The following CADPS variants were observed in gnomAD, a reference collection of about 807,000 sequenced individuals.
The protein encoded by CADPS is calcium-dependent secretion activator 1.
In CADPS, 57 loss-of-function variants were observed where a neutral mutation model predicts 167.3. That is an observed-to-expected ratio of 0.34 (90% confidence interval 0.28 to 0.42). The LOEUF (loss-of-function observed/expected upper bound fraction) is 0.42. CADPS is among the 20% of genes least tolerant of loss of function. The pLI, the probability that CADPS is intolerant of heterozygous loss-of-function variation, is 1.00. For synonymous variants in CADPS, 676 were observed against 635.3 expected (o/e 1.06, Z -0.96); for missense variants, 1,414 against 1,738.1 (o/e 0.81, Z 3.32).
chr3:62,636,917 C>T (rs376511821), intron 6 of CADPS, among the ~76,000 whole-genome samples: 1 of 152,258 alleles, frequency 6.6e-6, no homozygotes, highest in East Asian at 1.9e-4. Context: ...GTACTCCCTT[C>T]TACTTTGGCA....
rs544480286 is a variant in CADPS at position 62,585,442 on chromosome 3, A to T, written c.1438-118T>A. ...GAACAATTCCCACTGTGGAGCAGCC[A>T]TACCTGGGGATAGAAACACATTCTT... On this transcript the variant is annotated intron_variant, in intron 7 of 29. Transcript: ENST00000383710. 3.2e-6 allele frequency: 3 copies of T among 949,902 alleles called. No homozygotes were observed. The Admixed American group carries it at 8.1e-5, about 26-fold the overall frequency. The allele number at this position is 949,902 out of a possible 1,614,324, so 58.8% of individuals were successfully genotyped here. A position where few individuals can be genotyped will look rare whatever the true frequency, so the allele number is the denominator to read the frequency against.
At chr3:62,799,430 C>T (rs1384565711) in intron 1 of CADPS, among the ~76,000 whole-genome samples, 2 of 152,138 alleles carry the variant, frequency 1.3e-5, no homozygotes, top group Admixed American at 6.6e-5. Context: ...TCCTTGATAT[C>T]TTGGTGAGAA....
intron 6 of CADPS, among the ~76,000 whole-genome samples, chr3:62,615,448 G>A (rs544051088): frequency 2.6e-5 from 4 of 152,252 alleles, no homozygotes; most frequent in East Asian, 3.9e-4. Context: ...CTGAATCAGC[G>A]ACTGTGTTAA....
At chr3:62,462,766 C>A (rs1403268550) in intron 26 of CADPS, among the ~76,000 whole-genome samples, 4 of 152,176 alleles carry the variant, frequency 2.6e-5, no homozygotes, top group African/African-American at 4.8e-5. Flanking sequence ...TCTGCTCATC[C>A]TTTTTACTTC....
intron 3 of CADPS, among the ~76,000 whole-genome samples, chr3:62,669,532 C>G (rs1290494715): frequency 1.3e-5 from 2 of 152,146 alleles, no homozygotes; most frequent in Non-Finnish European, 2.9e-5. Flanking sequence ...CTCTCATTTC[C>G]TAAAGCCTGT....
At chr3:62,435,482 C>T (rs185011490) in intron 28 of CADPS, among the ~76,000 whole-genome samples, 68 of 152,270 alleles carry the variant, frequency 4.5e-4, no homozygotes, top group Middle Eastern at 6.8e-3. Context: ...TGAAGCTTTT[C>T]GAGAAGCTCT....
chr3:62,626,372 C>A, intron 6 of CADPS: 2 of 524,996 alleles, frequency 3.8e-6, no homozygotes, highest in South Asian at 2.7e-5. Context: ...CCATGGAATG[C>A]TCTAGGAAAA....
chr3:62,595,725 G>A, intron 6 of CADPS, among the ~76,000 whole-genome samples: 1 of 152,162 alleles, frequency 6.6e-6, no homozygotes. Context: ...TGATTGGATT[G>A]AAGGATACAA....
chr3:62,409,966 T>C (rs1386811317), intron 28 of CADPS, among the ~76,000 whole-genome samples: 2 of 152,220 alleles, frequency 1.3e-5, no homozygotes, highest in Non-Finnish European at 2.9e-5. Context: ...CTTCCTGTGT[T>C]GCTTTTTTCT....
At chr3:62,643,180 C>T in intron 6 of CADPS, among the ~76,000 whole-genome samples, 1 of 152,098 alleles carries the variant, frequency 6.6e-6, no homozygotes, top group East Asian at 1.9e-4. Flanking sequence ...CACGTATATC[C>T]CTTTGGGATA....
chr3:62,492,522 C>T, intron 19 of CADPS, 76 bp from the exon 20 acceptor site: 1 of 1,396,068 alleles, frequency 7.2e-7, no homozygotes, highest in Non-Finnish European at 1.0e-6. Context: ...TGAATTCCAG[C>T]CCTCACTGTT....
intron 7 of CADPS, among the ~76,000 whole-genome samples, chr3:62,591,364 C>A (rs1239163263): frequency 6.6e-6 from 1 of 152,128 alleles, no homozygotes; most frequent in Non-Finnish European, 1.5e-5. Context: ...ATGAAGGGGA[C>A]TGAGCTGTCA....
chr3:62,502,646 T>C (rs936094075), intron 17 of CADPS, among the ~76,000 whole-genome samples: 1 of 152,172 alleles, frequency 6.6e-6, no homozygotes, highest in Non-Finnish European at 1.5e-5. Flanking sequence ...CTCAGCTTAG[T>C]GTTCCAAACT....
At chr3:62,618,249 T>C (rs1047279602) in intron 6 of CADPS, among the ~76,000 whole-genome samples, 3 of 151,882 alleles carry the variant, frequency 2.0e-5, no homozygotes, top group African/African-American at 7.3e-5. Flanking sequence ...GGAAAACAGC[T>C]GAGGGAAGGA....
At chr3:62,416,187 T>A (rs990740479) in intron 28 of CADPS, among the ~76,000 whole-genome samples, 1 of 152,134 alleles carries the variant, frequency 6.6e-6, no homozygotes, top group Non-Finnish European at 1.5e-5. Context: ...GGGGTGGATT[T>A]GGGGGTTGAG....
intron 1 of CADPS, among the ~76,000 whole-genome samples, chr3:62,795,215 C>T (rs1450258127): frequency 6.6e-6 from 1 of 152,138 alleles, no homozygotes; most frequent in African/African-American, 2.4e-5. Context: ...CAGCTCTTGG[C>T]AAAACCTCAC....
intron 1 of CADPS, among the ~76,000 whole-genome samples, chr3:62,769,227 T>C (rs1213221458): frequency 1.5e-5 from 1 of 68,292 alleles, no homozygotes; most frequent in Non-Finnish European, 2.9e-5. Context: ...AATTCTCATC[T>C]TTTTTTTTTT....
At position 62,544,981 on chromosome 3, in the gene CADPS, G is replaced by A. The variant is rs2076228249; in HGVS notation, c.1966+4922C>T. The A allele has an allele frequency of 2.7e-6, 1 of 365,632 alleles. No individual in the cohort carries two copies. The highest frequency in any genetic ancestry group is 4.0e-6 in the Non-Finnish European group (1 of 247,090). 22.6% of individuals were successfully genotyped at this position (365,632 alleles called of 1,614,324 possible). On this transcript the variant is annotated intron_variant, in intron 11 of 29. Transcript: ENST00000383710. This position sits in a 1 kb window ranked among gnomAD's most constrained non-coding sequence, Gnocchi z 4.4. ...AAGTTCTTGGGTTCGAGCAAAGATT[G>A]AACAAGAAAACTTAAACAAAACAAA...
At chr3:62,417,324 G>A (rs1293257202) in intron 28 of CADPS, among the ~76,000 whole-genome samples, 14 of 105,672 alleles carry the variant, frequency 1.3e-4, no homozygotes, top group Admixed American at 4.4e-4. Context: ...TTGCTCTGAC[G>A]CCCAGGGTGG....
Sources: allele counts gnomAD v4.1 joint callset (sites outside exome capture counted in the v4.1 genomes callset), GRCh38; gene constraint gnomAD v4.1.1; non-coding constraint Gnocchi (gnomAD v3.1); transcripts MANE v1.5; gene names NCBI Gene and HGNC (gene_info 2026-07-23, HGNC 2026-07-21).